The following TMEM108 variants were observed in gnomAD, a reference collection of about 807,000 sequenced individuals.
The protein encoded by TMEM108 is cancer/testis antigen 124.
In TMEM108, 12 loss-of-function variants were observed where a neutral mutation model predicts 35.1. The ratio of observed to expected loss-of-function variants is 0.34; its 90% CI spans 0.22 to 0.55. TMEM108 has a LOEUF of 0.55. TMEM108 is among the 20% of genes least tolerant of loss of function. The pLI is 0.89. For missense variants in TMEM108, 680 were observed against 753.3 expected (o/e 0.90, Z 1.14); for synonymous variants, 287 against 308.6 (o/e 0.93, Z 0.73).
At chr3:133,306,580 T>C (rs2071041390) in intron 3 of TMEM108, among the ~76,000 whole-genome samples, 1 of 152,136 alleles carries the variant, frequency 6.6e-6, no homozygotes, top group South Asian at 2.1e-4. Context: ...AGTGTTGTCA[T>C]TGTTCAGTTC....
intron 1 of TMEM108, among the ~76,000 whole-genome samples, chr3:133,045,218 T>C (rs1344276866): frequency 6.6e-6 from 1 of 152,172 alleles, no homozygotes; most frequent in Non-Finnish European, 1.5e-5. Flanking sequence ...TCCGCCCACC[T>C]CAACCTCCCA....
intron 2 of TMEM108, among the ~76,000 whole-genome samples, chr3:133,221,660 CTTTTTTTTTTTTTTTT>C (rs3078806): frequency 1.7e-5 from 1 of 60,356 alleles, no homozygotes; most frequent in African/African-American, 6.2e-5. Context: ...ACATTGATTC[CTTTTTTTTTTTTTTTT>C]TTTTTTTCAC....
intron 2 of TMEM108, among the ~76,000 whole-genome samples, chr3:133,214,078 G>A (rs1945871601): frequency 6.6e-6 from 1 of 152,150 alleles, no homozygotes; most frequent in Admixed American, 6.5e-5. Context: ...AGTTTGTCTT[G>A]CATTCTGCTA....
At chr3:133,184,093 A>T (rs1945386566) in intron 2 of TMEM108, among the ~76,000 whole-genome samples, 1 of 152,198 alleles carries the variant, frequency 6.6e-6, no homozygotes, top group Non-Finnish European at 1.5e-5. Flanking sequence ...CACCGGGAGG[A>T]CTGAGATACC....
chr3:133,302,881 G>A (rs1479517701), intron 3 of TMEM108, among the ~76,000 whole-genome samples: 1 of 152,132 alleles, frequency 6.6e-6, no homozygotes, highest in East Asian at 1.9e-4. Context: ...GGTATAAGAA[G>A]AGTAGTTGAA....
At chr3:133,226,857 A>T (rs1946078855) in intron 2 of TMEM108, among the ~76,000 whole-genome samples, 1 of 152,176 alleles carries the variant, frequency 6.6e-6, no homozygotes. Context: ...GGTTTAATGG[A>T]CTTACAGTTC....
intron 3 of TMEM108, among the ~76,000 whole-genome samples, chr3:133,274,815 G>A (rs1946817062): frequency 6.6e-6 from 1 of 152,190 alleles, no homozygotes; most frequent in African/African-American, 2.4e-5. Context: ...CCATTTGCCA[G>A]TCAGGGGGTT....
At chr3:133,226,838 A>G (rs945931273) in intron 2 of TMEM108, among the ~76,000 whole-genome samples, 5 of 152,300 alleles carry the variant, frequency 3.3e-5, no homozygotes, top group East Asian at 1.9e-4. Flanking sequence ...GAAATTTACA[A>G]AAGAAAGAGG....
At chr3:133,300,330 C>A (rs1410199574) in intron 3 of TMEM108, among the ~76,000 whole-genome samples, 11 of 152,066 alleles carry the variant, frequency 7.2e-5, no homozygotes, top group Non-Finnish European at 1.3e-4. Context: ...CAGCAAGAGT[C>A]CCAGACAAAG....
At chr3:133,273,160 T>A (rs894376340) in intron 3 of TMEM108, among the ~76,000 whole-genome samples, 1 of 152,202 alleles carries the variant, frequency 6.6e-6, no homozygotes, top group African/African-American at 2.4e-5. Context: ...TTTAGTGGGT[T>A]AATGAGCCCC....
chr3:133,245,609 G>T (rs1188985151), intron 3 of TMEM108, among the ~76,000 whole-genome samples: 1 of 152,180 alleles, frequency 6.6e-6, no homozygotes, highest in Non-Finnish European at 1.5e-5. Flanking sequence ...AGCCCACATG[G>T]TGTATTCTTA....
Position 133,380,485 on chromosome 3 carries a change from G to GC in TMEM108, c.777dup (p.Ser260GlnfsTer65). ...CCCAGACAGTGGCTGCGACCACAGT[G>GC]CCCAGCAATACCTCATGGGCACCCA... On this transcript the variant is annotated frameshift_variant, in exon 4 of 6. Transcript: ENST00000321871. LOFTEE classifies it high-confidence loss of function. This position sits in a 1 kb window ranked among gnomAD's most constrained non-coding sequence, Gnocchi z 5.3. 6.2e-7 allele frequency: 1 copy of GC among 1,613,942 alleles called. No individual in the cohort carries two copies. Among genetic ancestry groups the GC allele is most frequent in the Non-Finnish European group, 8.5e-7 (1 of 1,179,968 alleles).
At chr3:133,104,573 C>T (rs1411743581) in intron 2 of TMEM108, among the ~76,000 whole-genome samples, 2 of 152,118 alleles carry the variant, frequency 1.3e-5, no homozygotes, top group Non-Finnish European at 2.9e-5. Flanking sequence ...TATCCATATG[C>T]TTCTGTTCAG....
chr3:133,241,609 C>CTTTTTT (rs71136458), intron 3 of TMEM108, among the ~76,000 whole-genome samples: 2 of 76,264 alleles, frequency 2.6e-5, no homozygotes, highest in Non-Finnish European at 4.8e-5. Flanking sequence ...TTTCCTGTGG[C>CTTTTTT]TTTTTTTTTT....
chr3:133,134,977 A>T (rs1944544230), intron 2 of TMEM108, among the ~76,000 whole-genome samples: 1 of 152,162 alleles, frequency 6.6e-6, no homozygotes, highest in East Asian at 1.9e-4. Flanking sequence ...CTTTAAAAAA[A>T]AAATCTCTAT....
intron 2 of TMEM108, among the ~76,000 whole-genome samples, chr3:133,078,477 G>T (rs549498187): frequency 4.6e-5 from 7 of 152,230 alleles, no homozygotes; most frequent in African/African-American, 7.2e-5. Flanking sequence ...GAGATGAGCT[G>T]AGTGGCTAGG....
intron 2 of TMEM108, among the ~76,000 whole-genome samples, chr3:133,142,021 G>A (rs935715725): frequency 9.9e-5 from 15 of 152,084 alleles, no homozygotes; most frequent in Non-Finnish European, 2.2e-4. Flanking sequence ...TATTTAGGAA[G>A]GTCTCTAGTC....
chr3:133,259,936 C>T (rs1398031968), intron 3 of TMEM108, among the ~76,000 whole-genome samples: 1 of 151,976 alleles, frequency 6.6e-6, no homozygotes, highest in Admixed American at 6.6e-5. Flanking sequence ...TAGGTGAAGG[C>T]GTGTGGTAAC....
intron 2 of TMEM108, among the ~76,000 whole-genome samples, chr3:133,143,528 T>C (rs952351278): frequency 1.3e-5 from 2 of 152,224 alleles, no homozygotes; most frequent in African/African-American, 2.4e-5. Context: ...CATAAGAGTT[T>C]GCATTAATCT....
Sources: gnomAD v4.1 joint callset for allele counts (sites outside exome capture counted in the v4.1 genomes callset) on GRCh38, gnomAD v4.1.1 for gene constraint, Gnocchi (gnomAD v3.1) non-coding constraint, MANE v1.5 for transcripts, NCBI Gene and HGNC (gene_info 2026-07-23, HGNC 2026-07-21) for gene names.